HLCS: variants seen among roughly 807,000 people sequenced by gnomAD.
HLCS encodes biotin--protein ligase.
In HLCS, 53 loss-of-function variants were observed where a neutral mutation model predicts 75.0. That is an observed-to-expected ratio of 0.71 (90% CI 0.57 to 0.89). The LOEUF (loss-of-function observed/expected upper bound fraction) is 0.89. Ranked by LOEUF, HLCS falls within the 40% of genes least tolerant of loss-of-function variation. The pLI is 0.00. For synonymous variants in HLCS, 431 were observed against 428.6 expected (o/e 1.01, Z -0.07); for missense variants, 966 against 1,074.0 (o/e 0.90, Z 1.41).
At position 36,888,444 on chromosome 21, in the gene HLCS, AAATATATATAT is replaced by A. The variant is rs1418237453; in HGVS notation, c.1892+8405_1892+8415del. Among the ~76,000 whole-genome samples the A allele has an allele frequency of 6.3e-3, 160 of 25,512 alleles. 5 individuals are homozygous for A. Among genetic ancestry groups the A allele is most frequent in the African/African-American group, 0.018 (101 of 5,552 alleles). The allele number at this position is 25,512 out of a possible 152,430, so 16.7% of individuals were successfully genotyped here. A position where few individuals can be genotyped will look rare whatever the true frequency, so the allele number is the denominator to read the frequency against. ...CCCCCTTCCCATTTAAAAAAAAAAA[AAATATATATAT>A]ATATATATATATATATATATATATA... On this transcript the variant is annotated intron_variant, in intron 6 of 10. Transcript: ENST00000674895.
chr21:36,784,027 C>A (rs2060615495), intron 6 of HLCS, among the ~76,000 whole-genome samples: 1 of 152,294 alleles, frequency 6.6e-6, no homozygotes, highest in South Asian at 2.1e-4. Context: ...AGATTCTACA[C>A]TGCAAGCAAG....
intron 5 of HLCS, among the ~76,000 whole-genome samples, chr21:36,919,777 A>G (rs2066083233): frequency 6.6e-6 from 1 of 152,224 alleles, no homozygotes; most frequent in South Asian, 2.1e-4. Flanking sequence ...GCAAAACATT[A>G]TTTCATTGTG....
intron 2 of HLCS, among the ~76,000 whole-genome samples, chr21:36,956,448 G>A (rs915725142): frequency 6.6e-6 from 1 of 152,202 alleles, no homozygotes; most frequent in Non-Finnish European, 1.5e-5. Flanking sequence ...GAGTTTGTAG[G>A]CCAGGTGTGG....
chr21:36,798,201 AGTGTGTGTAT>A (rs1035587497), intron 6 of HLCS, among the ~76,000 whole-genome samples: 7 of 152,154 alleles, frequency 4.6e-5, no homozygotes, highest in Non-Finnish European at 1.0e-4. Context: ...GTGTGTGCAC[AGTGTGTGTAT>A]GTGTGTGTGC....
rs372397733 is a variant in HLCS, at chr21:36,839,034, A to C, written c.1892+57826T>G. 1.5e-3 allele frequency among the ~76,000 whole-genome samples: 220 copies of C among 149,876 alleles called. 2 individuals carry two copies. The highest frequency in any genetic ancestry group is 5.2e-3 in the African/African-American group (212 of 40,598). ...TCCAGATACACAGATATATTACTCT[A>C]ATTTTTGGAGCAGCAAAGGAGCATC... On this transcript the variant is annotated intron_variant, in intron 6 of 10. Transcript: ENST00000674895.
chr21:36,818,526 C>T (rs1214518997), intron 6 of HLCS, among the ~76,000 whole-genome samples: 1 of 152,108 alleles, frequency 6.6e-6, no homozygotes, highest in East Asian at 1.9e-4. Context: ...TTAGGTTGTC[C>T]AAGTAATCAC....
intron 6 of HLCS, among the ~76,000 whole-genome samples, chr21:36,881,502 C>T (rs1237917233): frequency 1.3e-5 from 2 of 152,222 alleles, no homozygotes; most frequent in African/African-American, 2.4e-5. Context: ...ATCATGCACA[C>T]ACAGACAGCT....
At chr21:36,759,150 G>T in intron 9 of HLCS, 1 of 471,168 alleles carries the variant, frequency 2.1e-6, no homozygotes, top group South Asian at 1.5e-5. Context: ...TCTGAACACA[G>T]ATTAGGTTCT....
intron 2 of HLCS, among the ~76,000 whole-genome samples, chr21:36,947,038 G>C (rs908832757): frequency 6.6e-6 from 1 of 152,158 alleles, no homozygotes; most frequent in African/African-American, 2.4e-5. Flanking sequence ...AAACGAACAG[G>C]GCAACCTCCC....
intron 6 of HLCS, among the ~76,000 whole-genome samples, chr21:36,817,660 TAG>T (rs1279659973): frequency 6.6e-6 from 1 of 152,218 alleles, no homozygotes; most frequent in Non-Finnish European, 1.5e-5. Flanking sequence ...AACTTTACGT[TAG>T]AGACATCCAA....
At chr21:36,965,267 G>A (rs2068506863) in intron 1 of HLCS, among the ~76,000 whole-genome samples, 1 of 152,220 alleles carries the variant, frequency 6.6e-6, no homozygotes, top group Non-Finnish European at 1.5e-5. Context: ...AGTGCTAAAA[G>A]TGAGGCAATA....
intron 1 of HLCS, among the ~76,000 whole-genome samples, chr21:36,975,517 T>C (rs552381907): frequency 6.6e-6 from 1 of 152,306 alleles, no homozygotes; most frequent in Admixed American, 6.5e-5. Flanking sequence ...ACTCCTGCAG[T>C]GCCTGCCCCC....
chr21:36,931,389 T>C (rs2066635309), intron 4 of HLCS, among the ~76,000 whole-genome samples: 1 of 151,920 alleles, frequency 6.6e-6, no homozygotes, highest in African/African-American at 2.4e-5. Flanking sequence ...AAACTTCCAT[T>C]TTGCCTATTA....
chr21:36,976,335 AC>A (rs1240419522), intron 1 of HLCS, among the ~76,000 whole-genome samples: 2 of 152,170 alleles, frequency 1.3e-5, no homozygotes, highest in Non-Finnish European at 2.9e-5. Flanking sequence ...GGTTTGTGAT[AC>A]CCTTTCTGTA....
chr21:36,966,824 G>A (rs1161590763), upstream of HLCS, among the ~76,000 whole-genome samples: 1 of 146,972 alleles, frequency 6.8e-6, no homozygotes, highest in Non-Finnish European at 1.5e-5. Flanking sequence ...GAGGGGCGGG[G>A]GGGGGTGAGG....
rs2089355963 is a variant in HLCS, at chr21:36,751,290, CAGAGG to C, written c.*2951_*2955del. ...GACATCCTTTGAGAAGTTAAAATTG[CAGAGG>C]CTTACGCTTTCTTTTATTTCAAATA... On this transcript the variant is annotated 3_prime_UTR_variant, in exon 11 of 11. Coordinates refer to ENST00000674895, the MANE Select transcript of HLCS (RefSeq NM_001352514.2). 1 of 152,672 alleles carries C rather than the reference CAGAGG, an allele frequency of 6.5e-6. No homozygotes were observed. The highest frequency in any genetic ancestry group is 1.9e-4 in the East Asian group (1 of 5,198). The allele number at this position is 152,672 out of a possible 1,614,324, so 9.5% of individuals were successfully genotyped here.
intron 6 of HLCS, among the ~76,000 whole-genome samples, chr21:36,853,480 G>A (rs1018321283): frequency 6.6e-6 from 1 of 152,140 alleles, no homozygotes; most frequent in African/African-American, 2.4e-5. Flanking sequence ...TAAAACATGG[G>A]ATAAAATACA....
chr21:36,899,699 C>T (rs768854421), intron 5 of HLCS, among the ~76,000 whole-genome samples: 4 of 152,230 alleles, frequency 2.6e-5, no homozygotes, highest in African/African-American at 9.6e-5. Flanking sequence ...ACAAATGTTA[C>T]GGGATATCTC....
At chr21:36,887,019 G>T (rs1432330349) in intron 6 of HLCS, among the ~76,000 whole-genome samples, 3 of 151,956 alleles carry the variant, frequency 2.0e-5, no homozygotes, top group Non-Finnish European at 4.4e-5. Flanking sequence ...AATCCCAGCT[G>T]CGCAGGAGGC....
Sources: allele counts gnomAD v4.1 joint callset (sites outside exome capture counted in the v4.1 genomes callset), GRCh38; gene constraint gnomAD v4.1.1; transcripts MANE v1.5; gene names NCBI Gene and HGNC (gene_info 2026-07-23, HGNC 2026-07-21).